LYPLAL1: variants seen among roughly 807,000 people sequenced by gnomAD.
LYPLAL1 encodes the protein lysophospholipase-like protein 1.
LYPLAL1 carries 23 observed loss-of-function variants against 19.7 expected under a neutral mutation model. The observed-to-expected ratio is 1.17, with a 90% CI of 0.84 to 1.65. The LOEUF is 1.65. LYPLAL1 is among the 40% of genes most tolerant of loss of function. The pLI is 0.00. For synonymous variants in LYPLAL1, 119 were observed against 96.3 expected, an observed-to-expected ratio of 1.24 and a Z score of -1.38; for missense variants, 355 against 279.4, an observed-to-expected ratio of 1.27 and a Z score of -1.93.
At chr1:219,364,516 CTTG>C in the LYPLAL1 span, among the ~76,000 whole-genome samples, 1 of 132,380 alleles carries the variant, frequency 7.6e-6, no homozygotes, top group African/African-American at 2.5e-5. Flanking sequence ...TTTTTCGCAT[CTTG>C]TTGTTTGTAG....
At chr1:219,294,345 C>T in the LYPLAL1 span, among the ~76,000 whole-genome samples, 2 of 152,182 alleles carry the variant, frequency 1.3e-5, no homozygotes, top group African/African-American at 4.8e-5. Flanking sequence ...ATCTGCCCTC[C>T]TCCTCAACTT....
At chr1:219,249,709 C>T in the LYPLAL1 span, among the ~76,000 whole-genome samples, 14 of 151,996 alleles carry the variant, frequency 9.2e-5, no homozygotes, top group Non-Finnish European at 1.5e-5. Flanking sequence ...TTGGTAATTT[C>T]TATCTTTTCT....
chr1:219,291,350 T>C, the LYPLAL1 span, among the ~76,000 whole-genome samples: 1 of 152,246 alleles, frequency 6.6e-6, no homozygotes, highest in African/African-American at 2.4e-5. Flanking sequence ...CTCTTTTATT[T>C]ATTTTTGTTT....
chr1:219,416,064 G>A, the LYPLAL1 span, among the ~76,000 whole-genome samples: 4 of 152,164 alleles, frequency 2.6e-5, no homozygotes, highest in African/African-American at 7.2e-5. Context: ...AGATGATAGA[G>A]TTCCCATATA....
intron 2 of LYPLAL1, among the ~76,000 whole-genome samples, chr1:219,185,780 C>T (rs115368619): frequency 1.0e-3 from 153 of 152,060 alleles, no homozygotes; most frequent in African/African-American, 3.3e-3. Flanking sequence ...ATTACCGTAA[C>T]ACCTATGTGA....
chr1:219,436,398 C>G, the LYPLAL1 span, among the ~76,000 whole-genome samples: 1 of 152,126 alleles, frequency 6.6e-6, no homozygotes, highest in African/African-American at 2.4e-5. Context: ...GATATGTTTT[C>G]AACCTAAAAG....
intron 3 of LYPLAL1, among the ~76,000 whole-genome samples, chr1:219,201,386 A>G (rs1232625916): frequency 6.6e-6 from 1 of 151,880 alleles, no homozygotes; most frequent in East Asian, 1.9e-4. Context: ...TCTACCATAT[A>G]ATGGAAGACT....
the LYPLAL1 span, among the ~76,000 whole-genome samples, chr1:219,307,330 A>C: frequency 6.6e-6 from 1 of 152,170 alleles, no homozygotes; most frequent in Non-Finnish European, 1.5e-5. Flanking sequence ...TTCAGTGGTG[A>C]CATTAGCCAT....
the LYPLAL1 span, among the ~76,000 whole-genome samples, chr1:219,397,436 AG>A: frequency 4.6e-5 from 7 of 152,184 alleles, no homozygotes; most frequent in African/African-American, 1.4e-4. Context: ...AGGATGAGTT[AG>A]GGAGGAATTC....
At chr1:219,239,690 A>G in the LYPLAL1 span, among the ~76,000 whole-genome samples, 7 of 152,354 alleles carry the variant, frequency 4.6e-5, no homozygotes, top group Middle Eastern at 6.8e-3. Context: ...AACTCCTGAC[A>G]AGTAAGGATT....
intron 3 of LYPLAL1, among the ~76,000 whole-genome samples, chr1:219,205,167 C>A (rs1235108329): frequency 2.6e-5 from 4 of 151,520 alleles, no homozygotes; most frequent in Non-Finnish European, 4.4e-5. Flanking sequence ...ACCATCCTGG[C>A]TAACAAGGTG....
At chr1:219,253,446 G>C in the LYPLAL1 span, among the ~76,000 whole-genome samples, 1 of 151,922 alleles carries the variant, frequency 6.6e-6, no homozygotes, top group Non-Finnish European at 1.5e-5. Context: ...CACTGCCTTA[G>C]TTGTGTTCCA....
At chr1:219,385,757 T>C in the LYPLAL1 span, among the ~76,000 whole-genome samples, 1 of 152,156 alleles carries the variant, frequency 6.6e-6, no homozygotes, top group Non-Finnish European at 1.5e-5. Flanking sequence ...TAAGATGTAA[T>C]TGCACGCTGT....
At position 219,184,066 on chromosome 1, in the gene LYPLAL1, T is replaced by A. The variant is rs1437517930; in HGVS notation, c.191+4820T>A. On this transcript the variant is annotated intron_variant, in intron 2 of 4. Transcript: ENST00000366928. The stretch of plus-strand genomic sequence containing the variant: ...GTTACTTGCATTTACGTGTAAATTT[T>A]AGAACCTGCTCTTCAATTTTACAAA... Among the ~76,000 whole-genome samples the A allele has an allele frequency of 2.0e-5, 3 of 151,896 alleles. No individual in the cohort carries two copies. In the East Asian group the frequency reaches 5.8e-4, roughly 29 times the overall value.
the LYPLAL1 span, among the ~76,000 whole-genome samples, chr1:219,391,572 G>GAA: frequency 7.4e-5 from 11 of 147,814 alleles, no homozygotes; most frequent in Admixed American, 6.7e-5. Context: ...CATTTAGCTT[G>GAA]AAAAAAAAAA....
chr1:219,192,992 T>G, intron 2 of LYPLAL1, 90 bp from the exon 3 acceptor site: 1 of 1,294,492 alleles, frequency 7.7e-7, no homozygotes. Flanking sequence ...AATCATTTAT[T>G]CAAAACACTA....
chr1:219,317,836 A>C, the LYPLAL1 span, among the ~76,000 whole-genome samples: 10 of 152,170 alleles, frequency 6.6e-5, no homozygotes, highest in African/African-American at 2.2e-4. Context: ...CCTTCACTCC[A>C]CTGGACTTGT....
At chr1:219,337,780 T>G in the LYPLAL1 span, among the ~76,000 whole-genome samples, 225 of 152,126 alleles carry the variant, frequency 1.5e-3, 2 homozygotes, top group African/African-American at 5.3e-3. Context: ...ATGACTGCCT[T>G]TGCATAACAA....
chr1:219,382,311 G>T, the LYPLAL1 span, among the ~76,000 whole-genome samples: 14 of 152,186 alleles, frequency 9.2e-5, no homozygotes, highest in African/African-American at 3.4e-4. Flanking sequence ...TCATGGTGAA[G>T]AAAAGCTTTT....
Sources: allele counts gnomAD v4.1 joint callset (sites outside exome capture counted in the v4.1 genomes callset), GRCh38; gene constraint gnomAD v4.1.1; transcripts MANE v1.5; gene names NCBI Gene and HGNC (gene_info 2026-07-23, HGNC 2026-07-21).